Variants in PPP1R12B observed in about 807,000 individuals in gnomAD.
The protein encoded by PPP1R12B is protein phosphatase 1 regulatory subunit 12B.
Under a neutral mutation model 126.1 loss-of-function variants are expected in PPP1R12B, and 76 were observed. The ratio of observed to expected loss-of-function variants is 0.60; its 90% CI spans 0.50 to 0.73. PPP1R12B has a LOEUF of 0.73. PPP1R12B is among the 30% of genes least tolerant of loss of function. The pLI is 0.00. For missense variants in PPP1R12B, 1,052 were observed against 1,205.1 expected (o/e 0.87, Z 1.88); for synonymous variants, 356 against 434.7 (o/e 0.82, Z 2.25).
At chr1:202,483,940 T>C (rs1677736894) in intron 13 of PPP1R12B, among the ~76,000 whole-genome samples, 1 of 152,256 alleles carries the variant, frequency 6.6e-6, no homozygotes, top group African/African-American at 2.4e-5. Flanking sequence ...TCCTGCTCAC[T>C]TGGTTTCCAT....
intron 1 of PPP1R12B, among the ~76,000 whole-genome samples, chr1:202,353,348 T>C (rs76821363): frequency 0.12 from 17,586 of 152,176 alleles, 1,259 homozygotes; most frequent in Middle Eastern, 0.16. Context: ...CATGGCAACA[T>C]AGGATTCAGA....
chr1:202,554,705 A>G (rs1686701761), intron 18 of PPP1R12B, among the ~76,000 whole-genome samples: 1 of 151,894 alleles, frequency 6.6e-6, no homozygotes, highest in Non-Finnish European at 1.5e-5. Context: ...ATCACTCATC[A>G]CCTACGCATT....
rs1558215355 is a variant in PPP1R12B at position 202,430,799 on chromosome 1, G to A, written c.990G>A (p.Gly330=). 1.2e-6 allele frequency: 2 copies of A among 1,612,352 alleles called. No homozygotes were observed. Among genetic ancestry groups the A allele is most frequent in the Admixed American group, 3.3e-5 (2 of 59,968 alleles). ...ATCTGAACAGCAAGATTCAGAGTGG[G>A]TTCTTTAAGAAGTAAGACATTTAGG... ...ESDLNSKIQS[G]FFKNKEKMLY... Residue 330 remains glycine, a synonymous_variant, in exon 7 of 24, where the codon GGG becomes GGA. Coordinates refer to ENST00000608999, the MANE Select transcript of PPP1R12B (RefSeq NM_002481.4).
At chr1:202,452,544 G>A (rs1018068609) in intron 13 of PPP1R12B, among the ~76,000 whole-genome samples, 1 of 152,072 alleles carries the variant, frequency 6.6e-6, no homozygotes, top group Non-Finnish European at 1.5e-5. Context: ...ACCGTTTAAA[G>A]AGGGAGAGGG....
At chr1:202,399,901 GT>G (rs1665574228) in intron 1 of PPP1R12B, among the ~76,000 whole-genome samples, 1 of 152,068 alleles carries the variant, frequency 6.6e-6, no homozygotes, top group East Asian at 1.9e-4. Flanking sequence ...TTGTTAATGG[GT>G]ATATCGTGTG....
At position 202,508,935 on chromosome 1, in the gene PPP1R12B, C is replaced by T. The variant is rs1411575910; in HGVS notation, c.2490+12113C>T. 8.5e-5 allele frequency among the ~76,000 whole-genome samples: 13 copies of T among 152,154 alleles called. No individual in the cohort carries two copies. The highest frequency in any genetic ancestry group is 1.5e-4 in the Non-Finnish European group (10 of 68,034). On this transcript the variant is annotated intron_variant, in intron 18 of 23. Transcript: ENST00000608999. The surrounding 1 kb of genome is among the most constrained non-coding windows in gnomAD (Gnocchi z 4.5). ...TAAATATTTTCCACTTTACTGGCCA[C>T]GTAATCTGTTGCAATGACTGAACTC...
At chr1:202,434,065 A>C (rs544126959) in intron 8 of PPP1R12B, among the ~76,000 whole-genome samples, 3 of 152,376 alleles carry the variant, frequency 2.0e-5, no homozygotes, top group Admixed American at 1.3e-4. Flanking sequence ...CACTGTATCT[A>C]GTTCAGGGAA....
intron 13 of PPP1R12B, among the ~76,000 whole-genome samples, chr1:202,482,012 T>G (rs1334782528): frequency 6.6e-6 from 1 of 152,174 alleles, no homozygotes; most frequent in Non-Finnish European, 1.5e-5. Flanking sequence ...TGTGTCTGGC[T>G]TATTTCACTT....
At chr1:202,392,323 T>C (rs1558168584) in intron 1 of PPP1R12B, among the ~76,000 whole-genome samples, 1 of 152,176 alleles carries the variant, frequency 6.6e-6, no homozygotes. Flanking sequence ...TGATTCATGC[T>C]ACAGTTTGGA....
chr1:202,564,064 G>A (rs907036385), intron 20 of PPP1R12B, among the ~76,000 whole-genome samples: 1 of 152,150 alleles, frequency 6.6e-6, no homozygotes, highest in Non-Finnish European at 1.5e-5. Flanking sequence ...TGTCTCCAAA[G>A]GGAATAAAGA....
chr1:202,529,447 TCATA>T (rs1442293954), intron 18 of PPP1R12B, among the ~76,000 whole-genome samples: 3 of 152,188 alleles, frequency 2.0e-5, no homozygotes, highest in African/African-American at 4.8e-5. Context: ...TCTAGATGAA[TCATA>T]CATAGATTGC....
chr1:202,451,238 T>C (rs896812456), intron 13 of PPP1R12B, among the ~76,000 whole-genome samples: 2 of 150,418 alleles, frequency 1.3e-5, no homozygotes, highest in Admixed American at 6.6e-5. Flanking sequence ...GGCAGGGTCA[T>C]AGGACAATAG....
intron 22 of PPP1R12B, 98 bp from the exon 23 acceptor site, chr1:202,569,049 T>C: frequency 7.3e-7 from 1 of 1,363,570 alleles, no homozygotes; most frequent in Non-Finnish European, 1.0e-6. Context: ...AGACAAACCT[T>C]TGACCGTGAA....
At chr1:202,377,549 C>T (rs756776123) in intron 1 of PPP1R12B, among the ~76,000 whole-genome samples, 28 of 151,932 alleles carry the variant, frequency 1.8e-4, no homozygotes, top group Non-Finnish European at 3.7e-4. Flanking sequence ...CATGATCCGC[C>T]CGCCTCGGCC....
intron 20 of PPP1R12B, 88 bp from the exon 21 acceptor site, chr1:202,564,355 T>G: frequency 3.2e-6 from 3 of 931,430 alleles, no homozygotes; most frequent in Non-Finnish European, 3.3e-6. Flanking sequence ...AGTGGTGGCT[T>G]GGGGCACAGA....
intron 23 of PPP1R12B, among the ~76,000 whole-genome samples, chr1:202,570,883 A>G (rs1688528097): frequency 6.6e-6 from 1 of 152,204 alleles, no homozygotes. Context: ...AGGCTCCTCC[A>G]TTTTTGAAAC....
At chr1:202,464,813 A>G (rs1472402106) in intron 13 of PPP1R12B, among the ~76,000 whole-genome samples, 1 of 152,198 alleles carries the variant, frequency 6.6e-6, no homozygotes. Context: ...TAAAAAAGGG[A>G]CATGCCCAAG....
intron 23 of PPP1R12B, among the ~76,000 whole-genome samples, chr1:202,571,675 C>G (rs568588389): frequency 6.6e-6 from 1 of 152,156 alleles, no homozygotes; most frequent in Non-Finnish European, 1.5e-5. Context: ...CAGGTGGTCT[C>G]GAACTCCTGA....
chr1:202,567,380 C>CTT lies in PPP1R12B; in HGVS notation c.2758-385_2758-384dup, dbSNP rs35011066. The CTT allele has an allele frequency of 2.7e-3, 402 of 147,832 alleles. 3 individuals carry two copies. The highest frequency in any genetic ancestry group is 2.8e-3 in the East Asian group (14 of 5,066). The allele number at this position is 147,832 out of a possible 1,614,324, so 9.2% of individuals were successfully genotyped here. A position where few individuals can be genotyped will look rare whatever the true frequency, so the allele number is the denominator to read the frequency against. On this transcript the variant is annotated intron_variant, in intron 21 of 23. Transcript: ENST00000608999. ...AGTTGCCAGCCTTTTAAAGAAAAGCCTTTTTTTTTTTTTTGTTATTTCCTC... is the reference window on the plus strand; with the variant it reads ...AGTTGCCAGCCTTTTAAAGAAAAGCCTTTTTTTTTTTTTTTTGTTATTTCCTC...
Sources: gnomAD v4.1 joint callset for allele counts (sites outside exome capture counted in the v4.1 genomes callset) on GRCh38, gnomAD v4.1.1 for gene constraint, Gnocchi (gnomAD v3.1) non-coding constraint, MANE v1.5 for transcripts, NCBI Gene and HGNC (gene_info 2026-07-23, HGNC 2026-07-21) for gene names.